The following ABCC11 variants were observed in gnomAD, a reference collection of about 807,000 sequenced individuals.
ABCC11 encodes ATP binding cassette subfamily C member 11.
ABCC11 carries 135 observed loss-of-function variants against 149.3 expected under a neutral mutation model. That is an observed-to-expected ratio of 0.90 (90% CI 0.79 to 1.04). The LOEUF (loss-of-function observed/expected upper bound fraction) is 1.04. Among genes scored for constraint, ABCC11 ranks in the 50% least tolerant of loss-of-function variants. The probability of loss-of-function intolerance (pLI) is 0.00; values close to 1 mark genes in which losing one functional copy is unlikely to be tolerated. For missense variants in ABCC11, 1,680 were observed against 1,722.1 expected, an observed-to-expected ratio of 0.98 and a Z score of 0.43; for synonymous variants, 665 against 671.4, an observed-to-expected ratio of 0.99 and a Z score of 0.15.
Position 48,215,317 on chromosome 16 carries a change from C to G in ABCC11, c.979G>C (p.Ala327Pro), listed in dbSNP as rs763172242. Reference sequence around the variant, plus strand: ...CTGACCTCAGATGTGTGATGCTGAGCCTTCACAGCCATTCTTGTCATGAAT... The same window carrying G: ...CTGACCTCAGATGTGTGATGCTGAGGCTTCACAGCCATTCTTGTCATGAAT... ...AVFMTRMAVKAQHHTSEVSDQ... is the reference protein window; with the variant it reads ...AVFMTRMAVKPQHHTSEVSDQ... Residue 327 changes from alanine to proline, a missense_variant, in exon 8 of 30, where the codon GCT becomes CCT. Transcript: ENST00000356608. The G allele has an allele frequency of 6.2e-6, 10 of 1,613,796 alleles. No homozygotes were observed. The Admixed American group carries it at 1.2e-4, about 19-fold the overall frequency.
chr16:48,168,692 A>C (rs1965496846), intron 28 of ABCC11, among the ~76,000 whole-genome samples: 1 of 152,216 alleles, frequency 6.6e-6, no homozygotes, highest in Non-Finnish European at 1.5e-5. Context: ...ATTTTTAAAA[A>C]TATGCAATTT....
intron 1 of ABCC11, chr16:48,244,735 C>T (rs1456122470): frequency 1.9e-5 from 13 of 684,634 alleles, no homozygotes; most frequent in Non-Finnish European, 2.6e-5. Context: ...GCCTTCGCGG[C>T]TCGGTTCCGC....
At chr16:48,186,889 T>G in intron 22 of ABCC11, 64 bp downstream of exon 22, 1 of 1,590,034 alleles carries the variant, frequency 6.3e-7, no homozygotes. Flanking sequence ...GACGCTCCAT[T>G]CTTTCCCTGC....
intron 20 of ABCC11, 52 bp from the exon 21 acceptor site, chr16:48,187,479 A>G (rs1281085248): frequency 8.1e-6 from 12 of 1,472,926 alleles, no homozygotes; most frequent in Non-Finnish European, 1.1e-5. Flanking sequence ...GGCCCTGCTC[A>G]AGATTGGATG....
intron 27 of ABCC11, 29 bp from the exon 28 acceptor site, chr16:48,170,247 A>C (rs1596649760): frequency 6.3e-7 from 1 of 1,576,340 alleles, no homozygotes; most frequent in Non-Finnish European, 8.7e-7. Context: ...AGACAACATA[A>C]CCTGGAAGCC....
At chr16:48,244,285 C>G in intron 1 of ABCC11, 1 of 784,968 alleles carries the variant, frequency 1.3e-6, no homozygotes, top group Non-Finnish European at 1.9e-6. Flanking sequence ...TAGCCGGAAG[C>G]GGAGGCGTGG....
At position 48,200,263 on chromosome 16, in the gene ABCC11, G is replaced by C. The variant is rs1967832416; in HGVS notation, c.2082+13C>G. On this transcript the variant is annotated intron_variant, in intron 15 of 29. Transcript: ENST00000356608. ...TCCGTCAATCACAGTCAGAGCCCTG[G>C]AAGGGTGCTAACCTGCAGCTGGTGG... is the stretch of plus-strand genomic sequence containing the variant. 2.5e-6 allele frequency: 4 copies of C among 1,612,538 alleles called. No individual in the cohort carries two copies. Among genetic ancestry groups the C allele is most frequent in the Non-Finnish European group, 3.4e-6 (4 of 1,179,024 alleles).
chr16:48,209,303 C>T (rs1171312393), intron 11 of ABCC11: 3 of 152,242 alleles, frequency 2.0e-5, no homozygotes, highest in East Asian at 1.9e-4. Flanking sequence ...AGAAAGATCC[C>T]TCTGTCATGG....
intron 2 of ABCC11, among the ~76,000 whole-genome samples, chr16:48,231,325 A>G (rs1382643211): frequency 6.6e-6 from 1 of 152,122 alleles, no homozygotes; most frequent in Non-Finnish European, 1.5e-5. Flanking sequence ...TGCCATGATG[A>G]TGGATTATAA....
In ABCC11 at chr16:48,192,649, C is replaced by T. The variant is rs139243763; in HGVS notation, c.2577G>A (p.Leu859=). The change falls in exon 20 of 30, where the codon CTG becomes CTA. Residue 859 remains leucine, a synonymous_variant. Coordinates refer to ENST00000356608, the MANE Select transcript of ABCC11 (RefSeq NM_001370497.1). ...GCCCGTACACCAGCTGGTAGAAGGACAGTTGAGGATTGTCTGCAATGTTGC... is the reference window on the plus strand; with the variant it reads ...GCCCGTACACCAGCTGGTAGAAGGATAGTTGAGGATTGTCTGCAATGTTGC... ...DLGNIADNPQ[L]SFYQLVYGLN... The T allele has an allele frequency of 6.2e-7, 1 of 1,614,152 alleles. No individual in the cohort carries two copies.
At chr16:48,222,221 G>A (rs1969791251) in intron 6 of ABCC11, among the ~76,000 whole-genome samples, 1 of 151,784 alleles carries the variant, frequency 6.6e-6, no homozygotes, top group African/African-American at 2.4e-5. Context: ...AGCCACCACA[G>A]ATGGCTGATT....
At position 48,200,407 on chromosome 16, in the gene ABCC11, C is replaced by T. The variant is rs746583345; in HGVS notation, c.1951G>A (p.Asp651Asn). 9.9e-6 allele frequency: 16 copies of T among 1,614,120 alleles called. No individual in the cohort carries two copies. Among genetic ancestry groups the T allele is most frequent in the Admixed American group, 3.3e-5 (2 of 60,010 alleles). The change falls in exon 15 of 30, where the codon GAC (aspartate) becomes AAC (asparagine). Residue 651 changes from aspartate to asparagine, a missense_variant. Asp to Asn is a conservative substitution (Grantham distance 23). Coordinates refer to ENST00000356608, the MANE Select transcript of ABCC11 (RefSeq NM_001370497.1). The part of the protein sequence containing the change: ...RISLARAVYS[D>N]RQIYLLDDPL... ...TCGTCCAGCAGGTAGATCTGACGGT[C>T]GGAATAGACGGCGCGGGCCAGGCTG...
rs1467092941 is a variant in ABCC11, at chr16:48,205,612, G to A, written c.1681-75C>T. The A allele has an allele frequency of 6.4e-6, 10 of 1,558,302 alleles. No homozygotes were observed. The Admixed American group carries it at 1.3e-4, about 21-fold the overall frequency. ...GCCTGCCTGGCTCAGCAGGCACAGTGCCCAGGGCCCCACTGCCCTCCAGGA... is the reference window on the plus strand; with the variant it reads ...GCCTGCCTGGCTCAGCAGGCACAGTACCCAGGGCCCCACTGCCCTCCAGGA... On this transcript the variant is annotated intron_variant, in intron 12 of 29. Coordinates refer to ENST00000356608, the MANE Select transcript of ABCC11 (RefSeq NM_001370497.1).
intron 1 of ABCC11, chr16:48,244,374 C>T (rs1971210991): frequency 3.3e-6 from 5 of 1,521,602 alleles, no homozygotes; most frequent in Non-Finnish European, 4.4e-6. Flanking sequence ...GCCCCCAGTG[C>T]GAAAGGCTGC....
intron 1 of ABCC11, chr16:48,244,745 C>T (rs750803197): frequency 1.7e-6 from 1 of 597,512 alleles, no homozygotes. Flanking sequence ...CTCGGTTCCG[C>T]CTCTCTGGTG....
At chr16:48,185,766 T>C (rs150928898) in intron 22 of ABCC11, among the ~76,000 whole-genome samples, 190 of 152,278 alleles carry the variant, frequency 1.2e-3, no homozygotes, top group African/African-American at 4.3e-3. Context: ...TACCTTTCTA[T>C]ACTGATTGAG....
chr16:48,189,942 T>G (rs1482134801), intron 20 of ABCC11, among the ~76,000 whole-genome samples: 1 of 152,214 alleles, frequency 6.6e-6, no homozygotes, highest in Non-Finnish European at 1.5e-5. Context: ...ACCTCTGAGA[T>G]TAGCCTTCCA....
chr16:48,224,420 G>T lies in ABCC11; in HGVS notation c.405C>A (p.Arg135=). 1 of 1,614,106 alleles carries T rather than the reference G, an allele frequency of 6.2e-7. No homozygotes were observed. Among genetic ancestry groups the T allele is most frequent in the Non-Finnish European group, 8.5e-7 (1 of 1,179,994 alleles). Residue 135 remains arginine, a synonymous_variant, in exon 5 of 30, where the codon CGC becomes CGA. Transcript: ENST00000356608. The part of the protein sequence containing the change: ...ASDKNVQRLH[R]LWEEEVSRRG... ...GCCTTGAGACTTCTTCTTCCCAAAG[G>T]CGGTGAAGCCTTGAAAAGAGGATAA...
At chr16:48,213,805 C>T (rs1223283651) in intron 9 of ABCC11, among the ~76,000 whole-genome samples, 2 of 152,178 alleles carry the variant, frequency 1.3e-5, no homozygotes, top group Admixed American at 1.3e-4. Context: ...GTTGCCCCTA[C>T]CACAGCCCAG....
Sources: gnomAD v4.1 joint callset for allele counts (sites outside exome capture counted in the v4.1 genomes callset) on GRCh38, gnomAD v4.1.1 for gene constraint, MANE v1.5 for transcripts, NCBI Gene and HGNC (gene_info 2026-07-23, HGNC 2026-07-21) for gene names.